UBR3: variants seen among roughly 807,000 people sequenced by gnomAD.
UBR3 encodes the protein ubiquitin protein ligase E3 component n-recognin 3.
UBR3 carries 85 observed loss-of-function variants against 243.2 expected under a neutral mutation model. That is an observed-to-expected ratio of 0.35 (90% CI 0.29 to 0.42). The LOEUF (loss-of-function observed/expected upper bound fraction) is 0.42, where lower values mean the gene tolerates loss of function less well. Among genes scored for constraint, UBR3 ranks in the 10% least tolerant of loss-of-function variants. The pLI, the probability that UBR3 is intolerant of heterozygous loss-of-function variation, is 1.00. For missense variants in UBR3, 1,686 were observed against 2,300.8 expected, an observed-to-expected ratio of 0.73 and a Z score of 5.47; for synonymous variants, 748 against 799.8, an observed-to-expected ratio of 0.94 and a Z score of 1.09.
chr2:169,881,997 TTATA>T (rs1559054037), intron 5 of UBR3, among the ~76,000 whole-genome samples: 1 of 125,722 alleles, frequency 8.0e-6, no homozygotes, highest in Non-Finnish European at 1.6e-5. Context: ...ATATGTATAT[TTATA>T]TAATATATAA....
intron 11 of UBR3, among the ~76,000 whole-genome samples, chr2:169,916,645 C>T (rs2085475241): frequency 6.6e-6 from 1 of 152,100 alleles, no homozygotes. Context: ...TGGATAATCT[C>T]CTTACCCAGC....
chr2:169,883,948 T>A (rs1323729552), intron 5 of UBR3, among the ~76,000 whole-genome samples: 1 of 151,948 alleles, frequency 6.6e-6, no homozygotes, highest in African/African-American at 2.4e-5. Flanking sequence ...TTCTCCCGTC[T>A]CAGCCTCCCG....
intron 10 of UBR3, among the ~76,000 whole-genome samples, chr2:169,909,081 C>G (rs1453973638): frequency 2.6e-5 from 4 of 152,108 alleles, no homozygotes; most frequent in Non-Finnish European, 5.9e-5. Context: ...CCTCGGCCTC[C>G]CAAAGTGCTG....
intron 1 of UBR3, among the ~76,000 whole-genome samples, chr2:169,830,313 C>A (rs1451873561): frequency 2.6e-5 from 4 of 152,152 alleles, no homozygotes; most frequent in Non-Finnish European, 4.4e-5. Context: ...AGGCTTAGTA[C>A]TAATTACTCT....
intron 20 of UBR3, among the ~76,000 whole-genome samples, chr2:169,943,044 A>C (rs2086651415): frequency 1.3e-5 from 2 of 152,140 alleles, no homozygotes; most frequent in Admixed American, 1.3e-4. Flanking sequence ...TTTTCCCTCT[A>C]ATCAGGAAAG....
intron 38 of UBR3, 86 bp downstream of exon 38, chr2:170,080,770 A>G (rs1003540701): frequency 2.2e-6 from 3 of 1,387,006 alleles, no homozygotes; most frequent in Admixed American, 2.3e-5. Flanking sequence ...TGTAATTACA[A>G]TTTTTTTAAT....
chr2:170,020,617 T>A (rs556845684), intron 30 of UBR3, among the ~76,000 whole-genome samples: 1 of 152,180 alleles, frequency 6.6e-6, no homozygotes, highest in Non-Finnish European at 1.5e-5. Flanking sequence ...TTCCCCCCTG[T>A]TAATTAACAT....
At chr2:170,060,923 G>A (rs532844530) in intron 33 of UBR3, among the ~76,000 whole-genome samples, 156 bp from the exon 34 acceptor site, 2 of 152,226 alleles carry the variant, frequency 1.3e-5, no homozygotes, top group East Asian at 3.9e-4. Flanking sequence ...TGTGAATCCA[G>A]AGGTGTACAG....
At chr2:169,915,062 T>C (rs559177368) in intron 11 of UBR3, among the ~76,000 whole-genome samples, 1 of 152,274 alleles carries the variant, frequency 6.6e-6, no homozygotes, top group Non-Finnish European at 1.5e-5. Flanking sequence ...AATGCAACTA[T>C]AAAAATCATT....
intron 5 of UBR3, among the ~76,000 whole-genome samples, chr2:169,890,579 A>ATATATGTGTG (rs373265395): frequency 1.6e-5 from 1 of 61,270 alleles, no homozygotes; most frequent in African/African-American, 7.3e-5. Context: ...ATATATATAT[A>ATATATGTGTG]TGTATATATA....
rs55975324 is a variant in UBR3 at position 169,890,540 on chromosome 2, G to C, written c.1039-625G>C. On this transcript the variant is annotated intron_variant, in intron 5 of 38. Transcript: ENST00000272793. ...GGTTTTTCTAGGAGAGAGAGAGAGA[G>C]ATATATATATATATATATATATATG... Among the ~76,000 whole-genome samples the C allele has an allele frequency of 3.7e-3, 281 of 75,920 alleles. 14 individuals are homozygous for C. The highest frequency in any genetic ancestry group is 0.011 in the African/African-American group (168 of 15,638). 49.8% of individuals were successfully genotyped at this position (75,920 alleles called of 152,430 possible). A position where few individuals can be genotyped will look rare whatever the true frequency, so the allele number is the denominator to read the frequency against.
chr2:170,035,919 G>GGGT (rs1559206624), intron 31 of UBR3, among the ~76,000 whole-genome samples: 2 of 128,462 alleles, frequency 1.6e-5, no homozygotes, highest in Admixed American at 8.0e-5. Context: ...TTGGGGGGGG[G>GGGT]GTTGCTAATT....
In UBR3 at chr2:169,946,302, T is replaced by G; in HGVS notation, c.2820T>G (p.His940Gln). ...FTLLYKILMD[H>Q]QNLSEHVLCM... Reference sequence around the variant, plus strand: ...CCTTTTTAAAGATTTTGATGGATCATCAAAATCTGTCAGAACATGTACTCT... The same window carrying G: ...CCTTTTTAAAGATTTTGATGGATCAGCAAAATCTGTCAGAACATGTACTCT... Residue 940 changes from histidine (H) to glutamine (Q), a missense_variant, in exon 21 of 39, where the codon CAT (histidine) becomes CAG (glutamine). Physicochemically the swap from His to Gln is conservative, Grantham distance 24 (BLOSUM62 0). Around this residue, in one of 8 missense-constraint regions of UBR3, gnomAD observed 300 missense variants for 314.4 expected, o/e 0.95. Transcript: ENST00000272793. 1 of 1,493,116 alleles carries G rather than the reference T, an allele frequency of 6.7e-7. No homozygotes were observed. Among genetic ancestry groups the G allele is most frequent in the Non-Finnish European group, 8.9e-7 (1 of 1,122,124 alleles). 92.5% of individuals were successfully genotyped at this position (1,493,116 alleles called of 1,614,324 possible).
intron 32 of UBR3, among the ~76,000 whole-genome samples, chr2:170,049,320 T>C (rs1297380948): frequency 2.6e-5 from 4 of 152,210 alleles, no homozygotes. Flanking sequence ...AAGTGGATCA[T>C]CATAAAAGTA....
intron 6 of UBR3, 27 bp from the exon 7 acceptor site, chr2:169,895,154 C>T: frequency 6.7e-7 from 1 of 1,481,906 alleles, no homozygotes; most frequent in Non-Finnish European, 8.9e-7. Context: ...CAATCATTAA[C>T]TGATAAATTT....
chr2:169,910,799 A>G (rs187919046), intron 10 of UBR3, among the ~76,000 whole-genome samples: 159 of 152,282 alleles, frequency 1.0e-3, no homozygotes, highest in African/African-American at 3.5e-3. Flanking sequence ...TCACATAGCT[A>G]TAAGTAGACG....
intron 29 of UBR3, among the ~76,000 whole-genome samples, chr2:170,012,877 G>A (rs555321241): frequency 6.6e-6 from 1 of 152,172 alleles, no homozygotes; most frequent in South Asian, 2.1e-4. Context: ...TGTTGAATGG[G>A]GGGATTGAGA....
intron 1 of UBR3, among the ~76,000 whole-genome samples, chr2:169,832,824 T>C (rs2081981384): frequency 6.6e-6 from 1 of 151,450 alleles, no homozygotes; most frequent in Non-Finnish European, 1.5e-5. Flanking sequence ...TCCCAGCTAC[T>C]CTGGAGGCTG....
At chr2:169,888,469 C>T (rs1197327998) in intron 5 of UBR3, among the ~76,000 whole-genome samples, 10 of 152,102 alleles carry the variant, frequency 6.6e-5, no homozygotes, top group Non-Finnish European at 1.5e-4. Flanking sequence ...GTCTGACATT[C>T]TAACAGATTT....
Sources: gnomAD v4.1 joint callset for allele counts (sites outside exome capture counted in the v4.1 genomes callset) on GRCh38, gnomAD v4.1.1 for gene constraint, gnomAD v4.1.1 regional missense constraint, MANE v1.5 for transcripts, NCBI Gene and HGNC (gene_info 2026-07-23, HGNC 2026-07-21) for gene names.